Variants in NEK11 observed in about 807,000 individuals in gnomAD.
The protein encoded by NEK11 is serine/threonine-protein kinase Nek11.
A neutral mutation model predicts 80.7 loss-of-function variants in NEK11; 72 were observed. The observed-to-expected ratio is 0.89, with a 90% confidence interval of 0.74 to 1.08. The LOEUF (loss-of-function observed/expected upper bound fraction) is 1.08, where lower values mean the gene tolerates loss of function less well. NEK11 is among the 50% of genes least tolerant of loss of function. The pLI is 0.00. For missense variants in NEK11, 764 were observed against 763.6 expected, an observed-to-expected ratio of 1.00 and a Z score of -0.01; for synonymous variants, 251 against 260.7, an observed-to-expected ratio of 0.96 and a Z score of 0.36.
chr3:131,258,607 A>G (rs530006824), intron 16 of NEK11, among the ~76,000 whole-genome samples: 12 of 152,326 alleles, frequency 7.9e-5, no homozygotes, highest in South Asian at 4.1e-4. Context: ...AATCCAAAAA[A>G]CAGACACTTC....
chr3:131,138,661 C>T (rs1299277801), intron 7 of NEK11, among the ~76,000 whole-genome samples: 1 of 152,102 alleles, frequency 6.6e-6, no homozygotes, highest in Non-Finnish European at 1.5e-5. Flanking sequence ...TCACCCCACC[C>T]CCAGTTCCAG....
chr3:131,300,604 C>A (rs2109169350), intron 17 of NEK11, among the ~76,000 whole-genome samples: 1 of 152,244 alleles, frequency 6.6e-6, no homozygotes, highest in African/African-American at 2.4e-5. Context: ...ATATGGCTAG[C>A]CAGTTATCCC....
chr3:131,041,962 G>A (rs959897201), intron 3 of NEK11, among the ~76,000 whole-genome samples: 6 of 152,170 alleles, frequency 3.9e-5, no homozygotes, highest in Non-Finnish European at 8.8e-5. Flanking sequence ...CGAGCAGAAG[G>A]AGGGTGGGGC....
chr3:131,140,409 G>A (rs1273554003), intron 7 of NEK11, among the ~76,000 whole-genome samples: 2 of 152,158 alleles, frequency 1.3e-5, no homozygotes, highest in Non-Finnish European at 2.9e-5. Flanking sequence ...AGCCATTTTG[G>A]AAGTGGATCC....
chr3:131,285,932 A>G (rs931272387), intron 17 of NEK11, among the ~76,000 whole-genome samples: 1 of 152,180 alleles, frequency 6.6e-6, no homozygotes, highest in Admixed American at 6.5e-5. Context: ...CAACTTGGCT[A>G]CTTTTACTCT....
chr3:131,155,267 A>G (rs1381709940), intron 10 of NEK11, 146 bp downstream of exon 10: 2 of 605,816 alleles, frequency 3.3e-6, no homozygotes, highest in East Asian at 5.5e-5. Flanking sequence ...AGCTTCAGGA[A>G]CTTGGTGTTC....
At chr3:131,144,533 G>C (rs988863158) in intron 7 of NEK11, among the ~76,000 whole-genome samples, 2 of 152,018 alleles carry the variant, frequency 1.3e-5, no homozygotes, top group African/African-American at 2.4e-5. Flanking sequence ...AGAAACACTG[G>C]TACATAGAAA....
intron 4 of NEK11, among the ~76,000 whole-genome samples, chr3:131,100,904 T>G (rs1209616852): frequency 6.6e-6 from 1 of 152,066 alleles, no homozygotes; most frequent in Non-Finnish European, 1.5e-5. Flanking sequence ...TTATTATTAT[T>G]ATTATTGCAG....
intron 3 of NEK11, among the ~76,000 whole-genome samples, chr3:131,078,285 T>C (rs1232915117): frequency 6.6e-6 from 1 of 152,096 alleles, no homozygotes; most frequent in East Asian, 1.9e-4. Context: ...GTTTTCCTTA[T>C]GAGATTTTTG....
chr3:131,322,520 A>C (rs953803607), intron 17 of NEK11, among the ~76,000 whole-genome samples: 1 of 152,212 alleles, frequency 6.6e-6, no homozygotes, highest in Non-Finnish European at 1.5e-5. Context: ...TGCTACTATA[A>C]ATGTAATCAC....
At chr3:131,205,598 G>A (rs1394636806) in intron 14 of NEK11, among the ~76,000 whole-genome samples, 1 of 152,112 alleles carries the variant, frequency 6.6e-6, no homozygotes, top group Admixed American at 6.6e-5. Context: ...AGAAGGGCCT[G>A]GGAATATATA....
At chr3:131,134,027 A>C in intron 7 of NEK11, 71 bp downstream of exon 7, 3 of 1,342,012 alleles carry the variant, frequency 2.2e-6, no homozygotes, top group Non-Finnish European at 3.0e-6. Context: ...CTTTCAGCTC[A>C]TTTACTTACT....
chr3:131,236,437 A>G (rs1292200708), intron 15 of NEK11, among the ~76,000 whole-genome samples: 1 of 152,092 alleles, frequency 6.6e-6, no homozygotes, highest in Non-Finnish European at 1.5e-5. Context: ...GAGTTCTGTC[A>G]TTGGATACCT....
At chr3:131,250,685 T>C (rs111524955) in intron 16 of NEK11, among the ~76,000 whole-genome samples, 3,339 of 152,124 alleles carry the variant, frequency 0.022, 108 homozygotes, top group African/African-American at 0.075. Flanking sequence ...GCCTGGGAAA[T>C]AATCCATTCA....
intron 4 of NEK11, among the ~76,000 whole-genome samples, chr3:131,103,980 A>G (rs911355211): frequency 2.6e-5 from 4 of 152,214 alleles, no homozygotes; most frequent in African/African-American, 9.6e-5. Context: ...TGCCACCCCA[A>G]AGAAATGCAT....
At position 131,310,958 on chromosome 3, in the gene NEK11, G is replaced by T. The variant is rs372753764; in HGVS notation, c.1718+37384G>T. Reference sequence around the variant, plus strand: ...GACCTCCTTCCTAAGCCATGGTTAGGAGAGAAGGAAATATCTATTGACCCT... The same window carrying T: ...GACCTCCTTCCTAAGCCATGGTTAGTAGAGAAGGAAATATCTATTGACCCT... On this transcript the variant is annotated intron_variant, in intron 17 of 17. Transcript: ENST00000383366. Among the ~76,000 whole-genome samples the T allele has an allele frequency of 4.4e-4, 67 of 152,280 alleles. 2 individuals are homozygous for T. In the South Asian group the frequency reaches 0.014, roughly 32 times the overall value.
At chr3:131,339,120 G>C (rs1414661290) in intron 17 of NEK11, among the ~76,000 whole-genome samples, 5 of 152,186 alleles carry the variant, frequency 3.3e-5, no homozygotes, top group African/African-American at 9.6e-5. Context: ...TCCTTTCCCT[G>C]AGAAAGAATT....
intron 17 of NEK11, among the ~76,000 whole-genome samples, chr3:131,301,566 G>A (rs1421697576): frequency 6.6e-6 from 1 of 151,632 alleles, no homozygotes; most frequent in Non-Finnish European, 1.5e-5. Context: ...CTAGTTTGTT[G>A]TGGAGGATTT....
At chr3:131,305,756 C>G (rs1299037593) in intron 17 of NEK11, among the ~76,000 whole-genome samples, 1 of 152,164 alleles carries the variant, frequency 6.6e-6, no homozygotes, top group Non-Finnish European at 1.5e-5. Flanking sequence ...CTCACCTATT[C>G]AACTCACCCT....
Sources: gnomAD v4.1 joint callset for allele counts (sites outside exome capture counted in the v4.1 genomes callset) on GRCh38, gnomAD v4.1.1 for gene constraint, MANE v1.5 for transcripts, NCBI Gene and HGNC (gene_info 2026-07-23, HGNC 2026-07-21) for gene names.